Variants in LMF1 observed in about 807,000 individuals in gnomAD.
LMF1 encodes transmembrane protein 112.
In LMF1, 68 loss-of-function variants were observed where a neutral mutation model predicts 60.6. The ratio of observed to expected loss-of-function variants is 1.12; its 90% confidence interval spans 0.92 to 1.37. The LOEUF is 1.37. LMF1 is among the 40% of genes most tolerant of loss of function. The probability of loss-of-function intolerance (pLI) is 0.00; values close to 1 mark genes in which losing one functional copy is unlikely to be tolerated. For synonymous variants in LMF1, 418 were observed against 324.7 expected, an observed-to-expected ratio of 1.29 and a Z score of -3.09; for missense variants, 948 against 767.2, an observed-to-expected ratio of 1.24 and a Z score of -2.78.
chr16:944,529 C>T (rs1448682006), intron 2 of LMF1, among the ~76,000 whole-genome samples: 1 of 152,234 alleles, frequency 6.6e-6, no homozygotes, highest in Non-Finnish European at 1.5e-5. Context: ...GCCGGGGCCA[C>T]CAAGGCCACC....
chr16:881,793 C>T (rs1300537804), intron 5 of LMF1, among the ~76,000 whole-genome samples: 1 of 152,220 alleles, frequency 6.6e-6, no homozygotes, highest in Non-Finnish European at 1.5e-5. Flanking sequence ...ACAAGCATCT[C>T]CAGGGCTAGG....
At chr16:896,448 G>A (rs2070663464) in intron 4 of LMF1, among the ~76,000 whole-genome samples, 1 of 152,210 alleles carries the variant, frequency 6.6e-6, no homozygotes, top group Admixed American at 6.5e-5. Flanking sequence ...AGACCTGAAG[G>A]GTGAACTGTT....
chr16:941,589 G>C (rs1036885362), intron 2 of LMF1, among the ~76,000 whole-genome samples: 3 of 152,114 alleles, frequency 2.0e-5, no homozygotes, highest in African/African-American at 7.2e-5. Context: ...TCATTGATAT[G>C]GCTCATTGGT....
chr16:971,509 G>A (rs2073051303), upstream of LMF1, among the ~76,000 whole-genome samples: 1 of 152,238 alleles, frequency 6.6e-6, no homozygotes. Flanking sequence ...GAATGCTCGG[G>A]GGACCCTCCC....
chr16:890,233 C>T (rs1006186231), intron 5 of LMF1, among the ~76,000 whole-genome samples: 2 of 152,218 alleles, frequency 1.3e-5, no homozygotes, highest in Non-Finnish European at 2.9e-5. Context: ...GGCACGGCGC[C>T]GCACTGCTCT....
At chr16:898,537 G>C (rs570406245) in intron 4 of LMF1, among the ~76,000 whole-genome samples, 28 of 152,254 alleles carry the variant, frequency 1.8e-4, no homozygotes, top group Non-Finnish European at 2.8e-4. Context: ...CAGCCCAGGT[G>C]GGGGCAGAGC....
At chr16:870,918 C>T in intron 7 of LMF1, 36 bp from the exon 8 acceptor site, 3 of 1,569,096 alleles carry the variant, frequency 1.9e-6, no homozygotes, top group Non-Finnish European at 2.6e-6. Flanking sequence ...GTGGGGCTCC[C>T]AGCTGCCCCG....
intron 5 of LMF1, among the ~76,000 whole-genome samples, chr16:886,203 C>A (rs1305364502): frequency 1.3e-5 from 2 of 152,144 alleles, no homozygotes; most frequent in East Asian, 3.8e-4. Flanking sequence ...CAGTAAGGGG[C>A]GCATGGAGGA....
chr16:968,041 G>A (rs892831737), intron 1 of LMF1, among the ~76,000 whole-genome samples: 21 of 152,336 alleles, frequency 1.4e-4, no homozygotes, highest in Admixed American at 1.4e-3. Context: ...GCACAGCAGG[G>A]CATGCCCGAC....
rs773359023 is a variant in LMF1 at position 954,504 on chromosome 16, C to A, written c.356G>T (p.Trp119Leu). Reference protein sequence around the residue: ...YMPTILWLMDWSDMNSNLDLL... With the variant: ...YMPTILWLMDLSDMNSNLDLL... Reference sequence around the variant, plus strand: ...GTCCAGGTTGGAGTTCATGTCTGACCAGTCCATCAGCCAGAGGATGGTGGG... The same window carrying A: ...GTCCAGGTTGGAGTTCATGTCTGACAAGTCCATCAGCCAGAGGATGGTGGG... The change falls in exon 2 of 11, where the codon TGG (tryptophan) becomes TTG (leucine). Residue 119 changes from tryptophan (W) to leucine (L), a missense_variant. Coordinates refer to ENST00000262301, the MANE Select transcript of LMF1 (RefSeq NM_022773.4). 29 of 1,612,894 alleles carry A rather than the reference C, an allele frequency of 1.8e-5. No homozygotes were observed. The highest frequency in any genetic ancestry group is 2.4e-5 in the Non-Finnish European group (28 of 1,179,554).
intron 3 of LMF1, among the ~76,000 whole-genome samples, chr16:928,941 C>G (rs1031642753): frequency 3.9e-5 from 6 of 152,224 alleles, no homozygotes; most frequent in Admixed American, 2.0e-4. Flanking sequence ...CTCTGGGACT[C>G]TATCTGGGCA....
chr16:972,146 C>T (rs2073061750), upstream of LMF1, among the ~76,000 whole-genome samples: 1 of 152,178 alleles, frequency 6.6e-6, no homozygotes, highest in South Asian at 2.1e-4. Flanking sequence ...CAGGCCTGAC[C>T]AGCAGTGGCC....
chr16:877,798 C>T (rs2070036324), intron 6 of LMF1, among the ~76,000 whole-genome samples: 1 of 152,126 alleles, frequency 6.6e-6, no homozygotes, highest in Non-Finnish European at 1.5e-5. Flanking sequence ...ACCCACAGGA[C>T]GCGTCTCTGA....
chr16:967,264 G>A lies in LMF1; in HGVS notation c.193+3524C>T, dbSNP rs916841384. Among the ~76,000 whole-genome samples, 3 of 152,176 alleles carry A rather than the reference G, an allele frequency of 2.0e-5. No homozygotes were observed. The South Asian group carries it at 6.2e-4, about 32-fold the overall frequency. On this transcript the variant is annotated intron_variant, in intron 1 of 10. Coordinates refer to ENST00000262301, the MANE Select transcript of LMF1 (RefSeq NM_022773.4). ...TCCAGACCAGCTGTTTGCCACACAC[G>A]CCCCCGTACTGCAGGGTTGACCAGT... is the stretch of plus-strand genomic sequence containing the variant.
chr16:949,519 G>GTCAGCCAACGACAGAT (rs2072376182), intron 2 of LMF1, among the ~76,000 whole-genome samples: 1 of 144,456 alleles, frequency 6.9e-6, no homozygotes, highest in Non-Finnish European at 1.5e-5. Context: ...CAATGACAGA[G>GTCAGCCAACGACAGAT]TCAGCCAACG....
chr16:915,631 A>C (rs1052529744), intron 3 of LMF1, among the ~76,000 whole-genome samples: 3 of 152,098 alleles, frequency 2.0e-5, no homozygotes, highest in Non-Finnish European at 2.9e-5. Context: ...TGGCGACCCC[A>C]GTCAGAGGAT....
chr16:923,828 G>A (rs992809713), intron 3 of LMF1, among the ~76,000 whole-genome samples: 4 of 152,154 alleles, frequency 2.6e-5, no homozygotes, highest in African/African-American at 9.7e-5. Context: ...GGTCCTGAGC[G>A]GAAATCTTCA....
intron 1 of LMF1, among the ~76,000 whole-genome samples, chr16:959,743 G>A (rs1461913173): frequency 6.6e-6 from 1 of 152,116 alleles, no homozygotes; most frequent in Non-Finnish European, 1.5e-5. Context: ...ATTCTCGCAC[G>A]TGCACCAGGG....
At chr16:938,641 C>G (rs1177074810) in intron 2 of LMF1, among the ~76,000 whole-genome samples, 9 of 152,210 alleles carry the variant, frequency 5.9e-5, no homozygotes, top group Non-Finnish European at 2.9e-5. Context: ...AAGTCCAGGT[C>G]CCAGGGCTGT....
Sources: allele counts gnomAD v4.1 joint callset (sites outside exome capture counted in the v4.1 genomes callset), GRCh38; gene constraint gnomAD v4.1.1; transcripts MANE v1.5; gene names NCBI Gene and HGNC (gene_info 2026-07-23, HGNC 2026-07-21).